Variants in GRIA4 observed in about 807,000 individuals in gnomAD.
GRIA4 encodes glutamate ionotropic receptor AMPA type subunit 4.
In GRIA4, 34 loss-of-function variants were observed where a neutral mutation model predicts 104.0. The observed-to-expected ratio is 0.33, with a 90% CI of 0.25 to 0.44. GRIA4 has a LOEUF of 0.44. Ranked by LOEUF, GRIA4 falls within the 20% of genes least tolerant of loss-of-function variation. The probability of loss-of-function intolerance (pLI) is 1.00; values close to 1 mark genes in which losing one functional copy is unlikely to be tolerated. For missense variants in GRIA4, 750 were observed against 1,096.5 expected (o/e 0.68, Z 4.46); for synonymous variants, 386 against 381.9 (o/e 1.01, Z -0.13).
intron 3 of GRIA4, among the ~76,000 whole-genome samples, chr11:105,654,026 A>AG: frequency 8.3e-6 from 1 of 120,952 alleles, no homozygotes; most frequent in Non-Finnish European, 1.8e-5. Context: ...AAAAAAAAAA[A>AG]AGAAAACAAA....
At chr11:105,673,529 G>A (rs1952440113) in intron 3 of GRIA4, among the ~76,000 whole-genome samples, 1 of 152,002 alleles carries the variant, frequency 6.6e-6, no homozygotes, top group South Asian at 2.1e-4. Flanking sequence ...TTGATATCAG[G>A]AAGGCAGATT....
rs554786706 is a variant in GRIA4, at chr11:105,711,349, A to T, written c.248-41632A>T. Among the ~76,000 whole-genome samples, 32 of 152,144 alleles carry T rather than the reference A, an allele frequency of 2.1e-4. No individual in the cohort carries two copies. In the South Asian group the frequency reaches 6.6e-3, roughly 32 times the overall value. ...TAAATGACGAGTTAATGGGTGCAGCACACCAACATGGCACATGTATACTTA... is the reference window on the plus strand; with the variant it reads ...TAAATGACGAGTTAATGGGTGCAGCTCACCAACATGGCACATGTATACTTA... On this transcript the variant is annotated intron_variant, in intron 3 of 16. Transcript: ENST00000282499.
At chr11:105,745,143 A>AT (rs1491138693) in intron 3 of GRIA4, among the ~76,000 whole-genome samples, 1 of 152,130 alleles carries the variant, frequency 6.6e-6, no homozygotes. Flanking sequence ...AATAACTAAC[A>AT]TTTTTTCCAA....
chr11:105,932,831 C>G (rs182166135), intron 13 of GRIA4, among the ~76,000 whole-genome samples: 245 of 152,170 alleles, frequency 1.6e-3, no homozygotes, highest in African/African-American at 5.6e-3. Context: ...GTAAGCTATA[C>G]CAGGTTTTGC....
chr11:105,707,404 G>A (rs999442851), intron 3 of GRIA4: 2 of 152,160 alleles, frequency 1.3e-5, no homozygotes, highest in East Asian at 1.9e-4. Context: ...GCCAAAATGA[G>A]CATCTGGGGA....
intron 11 of GRIA4, among the ~76,000 whole-genome samples, chr11:105,920,804 T>C (rs993036043): frequency 6.6e-6 from 1 of 152,182 alleles, no homozygotes; most frequent in Non-Finnish European, 1.5e-5. Flanking sequence ...GACTCCAATC[T>C]CTGATGCTTG....
At chr11:105,744,680 A>G (rs1228495699) in intron 3 of GRIA4, among the ~76,000 whole-genome samples, 1 of 152,170 alleles carries the variant, frequency 6.6e-6, no homozygotes. Context: ...TGTACTATAA[A>G]AACCTTTAGC....
intron 3 of GRIA4, among the ~76,000 whole-genome samples, chr11:105,712,399 A>G (rs1411160454): frequency 6.6e-6 from 1 of 152,010 alleles, no homozygotes; most frequent in Non-Finnish European, 1.5e-5. Context: ...GAAAGGATCT[A>G]TCTATATATA....
chr11:105,866,549 GTGTATATATATATATA>G (rs1255742902), intron 5 of GRIA4, among the ~76,000 whole-genome samples: 5 of 78,268 alleles, frequency 6.4e-5, no homozygotes, highest in African/African-American at 2.3e-4. Flanking sequence ...GTGTGTGTGT[GTGTATATATATATATA>G]TATATATATA....
At chr11:105,629,620 T>G (rs531423620) in intron 3 of GRIA4, among the ~76,000 whole-genome samples, 42 of 152,296 alleles carry the variant, frequency 2.8e-4, no homozygotes, top group Non-Finnish European at 4.7e-4. Context: ...TGTTCTAAAT[T>G]TTTACATGTT....
At chr11:105,765,908 A>G (rs1940913362) in intron 4 of GRIA4, among the ~76,000 whole-genome samples, 1 of 152,210 alleles carries the variant, frequency 6.6e-6, no homozygotes, top group African/African-American at 2.4e-5. Flanking sequence ...GTCTTATGTG[A>G]AAAAGATTAT....
intron 5 of GRIA4, among the ~76,000 whole-genome samples, chr11:105,863,463 C>T (rs1945300538): frequency 6.6e-6 from 1 of 151,978 alleles, no homozygotes; most frequent in South Asian, 2.1e-4. Flanking sequence ...CTATACATTA[C>T]TCGGGCTTAT....
At chr11:105,934,764 CAT>C (rs1220930549) in intron 14 of GRIA4, among the ~76,000 whole-genome samples, 1 of 152,124 alleles carries the variant, frequency 6.6e-6, no homozygotes, top group Non-Finnish European at 1.5e-5. Context: ...AGAAAATTCA[CAT>C]GTTTATGTCC....
intron 4 of GRIA4, among the ~76,000 whole-genome samples, chr11:105,837,366 A>G (rs546807765): frequency 5.9e-5 from 9 of 152,292 alleles, no homozygotes; most frequent in African/African-American, 1.7e-4. Context: ...TAGAACCACT[A>G]TGAGTCTTTA....
chr11:105,636,399 T>A (rs1377154393), intron 3 of GRIA4, among the ~76,000 whole-genome samples: 1 of 152,218 alleles, frequency 6.6e-6, no homozygotes, highest in Admixed American at 6.5e-5. Flanking sequence ...AAGGTCAGAC[T>A]CTTTTAAAGT....
At chr11:105,615,955 C>G (rs1051752063) in intron 3 of GRIA4, among the ~76,000 whole-genome samples, 1 of 151,606 alleles carries the variant, frequency 6.6e-6, no homozygotes, top group African/African-American at 2.4e-5. Context: ...ATTAGAAATC[C>G]TGTAAAAGAA....
chr11:105,901,664 C>A (rs1254741954), intron 7 of GRIA4, among the ~76,000 whole-genome samples: 1 of 152,174 alleles, frequency 6.6e-6, no homozygotes, highest in East Asian at 1.9e-4. Flanking sequence ...AATCCCAGGT[C>A]TTTGCCACTC....
At chr11:105,628,031 T>G (rs529914156) in intron 3 of GRIA4, among the ~76,000 whole-genome samples, 1 of 152,026 alleles carries the variant, frequency 6.6e-6, no homozygotes, top group Admixed American at 6.6e-5. Context: ...GTTGAACAAT[T>G]GCAAGATTAA....
intron 3 of GRIA4, among the ~76,000 whole-genome samples, chr11:105,682,089 G>C (rs1190346089): frequency 6.6e-6 from 1 of 151,994 alleles, no homozygotes; most frequent in Non-Finnish European, 1.5e-5. Flanking sequence ...CTGTTTTCTT[G>C]TTTGGCTACT....
Sources: gnomAD v4.1 joint callset for allele counts (sites outside exome capture counted in the v4.1 genomes callset) on GRCh38, gnomAD v4.1.1 for gene constraint, MANE v1.5 for transcripts, NCBI Gene and HGNC (gene_info 2026-07-23, HGNC 2026-07-21) for gene names.